The following ANKRD52 variants were observed in gnomAD, a reference collection of about 807,000 sequenced individuals.
ANKRD52 encodes the protein ankyrin repeat domain 52.
A neutral mutation model predicts 116.0 loss-of-function variants in ANKRD52; 7 were observed. The ratio of observed to expected loss-of-function variants is 0.06; its 90% CI spans 0.03 to 0.11. The LOEUF is 0.11. Ranked by LOEUF, ANKRD52 falls within the 10% of genes least tolerant of loss-of-function variation. ANKRD52 has a pLI of 1.00. For synonymous variants in ANKRD52, 528 were observed against 578.1 expected, an observed-to-expected ratio of 0.91 and a Z score of 1.24; for missense variants, 839 against 1,408.6, an observed-to-expected ratio of 0.60 and a Z score of 6.47.
In ANKRD52 at chr12:56,243,035, C is replaced by G; in HGVS notation, c.*107G>C. ...CCAGGGCTTCCTTCCCCTCCGCCCCCTCCACCCAGTCGTGTTCTCCTTTAA... is the reference window on the plus strand; with the variant it reads ...CCAGGGCTTCCTTCCCCTCCGCCCCGTCCACCCAGTCGTGTTCTCCTTTAA... On this transcript the variant is annotated 3_prime_UTR_variant, in exon 28 of 28. Transcript: ENST00000267116. This position sits in a 1 kb window ranked among gnomAD's most constrained non-coding sequence, Gnocchi z 4.6. The G allele has an allele frequency of 7.1e-7, 1 of 1,402,888 alleles. No homozygotes were observed. Among genetic ancestry groups the G allele is most frequent in the South Asian group, 1.5e-5 (1 of 66,770 alleles). The allele number at this position is 1,402,888 out of a possible 1,614,324, so 86.9% of individuals were successfully genotyped here.
Position 56,247,781 on chromosome 12 carries a change from G to A in ANKRD52, c.1979-7C>T, listed in dbSNP as rs1042740184. The A allele has an allele frequency of 3.7e-6, 6 of 1,610,460 alleles. No homozygotes were observed. The African/African-American group carries it at 5.3e-5, about 14-fold the overall frequency. On this transcript the variant is annotated splice_polypyrimidine_tract_variant and splice_region_variant and intron_variant, in intron 18 of 27. Transcript: ENST00000267116. ...TCAGTGTGGCCAGAGGCAGCTAGGG[G>A]AAAGGGACCCCGTGTCAGGGCAGGG... is the stretch of plus-strand genomic sequence containing the variant.
rs78915481 is a variant in ANKRD52 at position 56,254,677 on chromosome 12, G to C, written c.594C>G (p.Asp198Glu). 2.3e-4 allele frequency: 368 copies of C among 1,613,268 alleles called. No homozygotes were observed. In the African/African-American group the frequency reaches 4.3e-3, roughly 19 times the overall value. Reference sequence around the variant, plus strand: ...AGCCCTTGCGGTCCTTGCAGCCGAGGTCTGCTCCCCGTGCCACCAGCAGTT... The same window carrying C: ...AGCCCTTGCGGTCCTTGCAGCCGAGCTCTGCTCCCCGTGCCACCAGCAGTT... ...VLKLLVARGA[D>E]LGCKDRKGYG... is the part of the protein sequence containing the mutation. The change falls in exon 7 of 28, where the codon GAC (aspartate) becomes GAG (glutamate). Residue 198 changes from aspartate to glutamate, a missense_variant. Transcript: ENST00000267116. This position sits in a 1 kb window ranked among gnomAD's most constrained non-coding sequence, Gnocchi z 4.6.
At position 56,254,976 on chromosome 12, in the gene ANKRD52, C is replaced by T. The variant is rs541098764; in HGVS notation, c.463-24G>A. On this transcript the variant is annotated intron_variant, in intron 5 of 27. Transcript: ENST00000267116. This position sits in a 1 kb window ranked among gnomAD's most constrained non-coding sequence, Gnocchi z 4.6. The stretch of plus-strand genomic sequence containing the variant: ...GTCTGCATCAGGATATGAAAGACAC[C>T]TGTTCAGAGCTAGATTCGTGCCCTC... 5.6e-6 allele frequency: 9 copies of T among 1,599,238 alleles called. No individual in the cohort carries two copies. Among genetic ancestry groups the T allele is most frequent in the Admixed American group, 5.0e-5 (3 of 59,826 alleles).
chr12:56,244,156 G>A lies in ANKRD52; in HGVS notation c.2806-23C>T, dbSNP rs1290602232. The A allele has an allele frequency of 6.2e-7, 1 of 1,612,244 alleles. No homozygotes were observed. Among genetic ancestry groups the A allele is most frequent in the East Asian group, 2.2e-5 (1 of 44,866 alleles). On this transcript the variant is annotated intron_variant, in intron 25 of 27. Coordinates refer to ENST00000267116, the MANE Select transcript of ANKRD52 (RefSeq NM_173595.4). This position sits in a 1 kb window ranked among gnomAD's most constrained non-coding sequence, Gnocchi z 4.9. ...GCCCTGAGGGAGGGGAACAGAGAGT[G>A]GAGACTTGTGAAGTAGAAATGTGGC...
rs1327253264 is a variant in ANKRD52 at position 56,255,465 on chromosome 12, C to T, written c.462+319G>A. ...TTCGCCTCCCAAAGTGCTGGGATTA[C>T]AGGCGTGAGCCGCCGTGCCCGGCCG... On this transcript the variant is annotated intron_variant, in intron 5 of 27. Transcript: ENST00000267116. This position sits in a 1 kb window ranked among gnomAD's most constrained non-coding sequence, Gnocchi z 4.3. Among the ~76,000 whole-genome samples, 1 of 152,256 alleles carries T rather than the reference C, an allele frequency of 6.6e-6. No homozygotes were observed. Among genetic ancestry groups the T allele is most frequent in the East Asian group, 1.9e-4 (1 of 5,198 alleles).
chr12:56,246,554 T>C (rs1871407751), intron 20 of ANKRD52, among the ~76,000 whole-genome samples: 1 of 151,940 alleles, frequency 6.6e-6, no homozygotes, highest in Non-Finnish European at 1.5e-5. Flanking sequence ...GGCGACATTA[T>C]GCGATGGGTT....
At chr12:56,250,382 T>A (rs1237401238) in intron 15 of ANKRD52, among the ~76,000 whole-genome samples, 1 of 149,790 alleles carries the variant, frequency 6.7e-6, no homozygotes, top group Non-Finnish European at 1.5e-5. Flanking sequence ...TTTTTTTTTT[T>A]AGAGACGGGG....
chr12:56,247,160 G>A (rs1871448250), intron 20 of ANKRD52, among the ~76,000 whole-genome samples: 2 of 150,530 alleles, frequency 1.3e-5, no homozygotes, highest in African/African-American at 4.9e-5. Context: ...GCTTGGGCAA[G>A]ATGGTAAGAC....
rs1301562304 is a variant in ANKRD52 at position 56,240,254 on chromosome 12, CA to C, written c.*2887del. The C allele has an allele frequency of 6.6e-6, 1 of 152,176 alleles. No homozygotes were observed. Among genetic ancestry groups the C allele is most frequent in the Non-Finnish European group, 1.5e-5 (1 of 68,056 alleles). The allele number at this position is 152,176 out of a possible 1,614,324, so 9.4% of individuals were successfully genotyped here. On this transcript the variant is annotated 3_prime_UTR_variant, in exon 28 of 28. Transcript: ENST00000267116. The surrounding 1 kb of genome is among the most constrained non-coding windows in gnomAD (Gnocchi z 4.2). ...GGATAGTATATGACCCTACCAGAGC[CA>C]CCGCCCAATCAGAAATAGCTCCCCC... is the stretch of plus-strand genomic sequence containing the variant.
At chr12:56,250,368 GTT>G (rs1237579487) in intron 15 of ANKRD52, among the ~76,000 whole-genome samples, 8 of 139,932 alleles carry the variant, frequency 5.7e-5, no homozygotes, top group Non-Finnish European at 9.4e-5. Context: ...ATTTTTGTGG[GTT>G]TTTTTTTTTT....
Position 56,248,918 on chromosome 12 carries a change from G to A in ANKRD52, c.1593-48C>T. On this transcript the variant is annotated intron_variant, in intron 15 of 27. Transcript: ENST00000267116. This position sits in a 1 kb window ranked among gnomAD's most constrained non-coding sequence, Gnocchi z 5.1. ...TGAGGCAGGGACAGGCCCAGCCCAG[G>A]AGGGCACAGTTCTGGGAGGGCCAGA... is the stretch of plus-strand genomic sequence containing the variant. 1 of 1,402,534 alleles carries A rather than the reference G, an allele frequency of 7.1e-7. No homozygotes were observed. The highest frequency in any genetic ancestry group is 1.4e-5 in the African/African-American group (1 of 70,020). 86.9% of individuals were successfully genotyped at this position (1,402,534 alleles called of 1,614,324 possible).
chr12:56,242,605 T>TC lies in ANKRD52; in HGVS notation c.*536dup, dbSNP rs765916389. ...CTCCAGGCCCCAGTGCTAAATATCC[T>TC]CCCCCCTCATCCTCTAGCTGCCCCT... On this transcript the variant is annotated 3_prime_UTR_variant, in exon 28 of 28. Transcript: ENST00000267116. The surrounding 1 kb of genome is among the most constrained non-coding windows in gnomAD (Gnocchi z 4.3). 1.7e-3 allele frequency: 280 copies of TC among 169,560 alleles called. 1 individual carries two copies. Among genetic ancestry groups the TC allele is most frequent in the Non-Finnish European group, 2.9e-3 (234 of 80,294 alleles). 10.5% of individuals were successfully genotyped at this position (169,560 alleles called of 1,614,324 possible).
Position 56,248,173 on chromosome 12 carries a change from T to G in ANKRD52, c.1828A>C (p.Asn610His). ...ALKTLAETLV[N>H]LDVRDHKGRT... ...CCCTTGTGGTCCCTTACGTCCAGAT[T>G]CACCAGCGTCTCCGCCAGCGTCTTC... Residue 610 changes from asparagine to histidine, a missense_variant, in exon 18 of 28, where the codon AAT becomes CAT. Asn to His is a moderately conservative substitution (Grantham distance 68, BLOSUM62 1). Around this residue, in one of 2 missense-constraint regions of ANKRD52, gnomAD observed 552 missense variants for 810.6 expected, o/e 0.68. Transcript: ENST00000267116. This position sits in a 1 kb window ranked among gnomAD's most constrained non-coding sequence, Gnocchi z 5.1. 6.2e-7 allele frequency: 1 copy of G among 1,613,964 alleles called. No homozygotes were observed. The highest frequency in any genetic ancestry group is 1.1e-5 in the South Asian group (1 of 91,084).
In ANKRD52 at chr12:56,245,501, C is replaced by T. The variant is rs1157324413; in HGVS notation, c.2280G>A (p.Leu760=). Residue 760 remains leucine, a synonymous_variant, in exon 21 of 28, where the codon CTG becomes CTA. Transcript: ENST00000267116. ...RDFKGRTPIH[L]ASACGHTAVL... is the part of the protein sequence containing the mutation. ...CTGCAGTGTGGCCACAGGCTGAGGC[C>T]AGGTGAATGGGCGTGCGGCCCTTAA... 6.2e-7 allele frequency: 1 copy of T among 1,611,700 alleles called. No homozygotes were observed. The highest frequency in any genetic ancestry group is 8.5e-7 in the Non-Finnish European group (1 of 1,179,106).
At position 56,243,115 on chromosome 12, in the gene ANKRD52, C is replaced by G; in HGVS notation, c.*27G>C. On this transcript the variant is annotated 3_prime_UTR_variant, in exon 28 of 28. Coordinates refer to ENST00000267116, the MANE Select transcript of ANKRD52 (RefSeq NM_173595.4). This position sits in a 1 kb window ranked among gnomAD's most constrained non-coding sequence, Gnocchi z 4.6. Reference sequence around the variant, plus strand: ...ATAAATAGAATTAGATATCAAGCCACCGGCGGGGGAGGGACACTGGAGGGG... The same window carrying G: ...ATAAATAGAATTAGATATCAAGCCAGCGGCGGGGGAGGGACACTGGAGGGG... The G allele has an allele frequency of 1.3e-6, 2 of 1,557,826 alleles. No individual in the cohort carries two copies. Among genetic ancestry groups the G allele is most frequent in the South Asian group, 2.3e-5 (2 of 86,286 alleles).
In ANKRD52 at chr12:56,248,181, G is replaced by A. The variant is rs375753963; in HGVS notation, c.1820C>T (p.Thr607Met). Residue 607 changes from threonine (T) to methionine (M), a missense_variant, in exon 18 of 28, where the codon ACG becomes ATG. By Grantham distance (81) the Thr-to-Met change is moderately conservative. Transcript: ENST00000267116. This position sits in a 1 kb window ranked among gnomAD's most constrained non-coding sequence, Gnocchi z 5.1. Reference protein sequence around the residue: ...HCEALKTLAETLVNLDVRDHK... With the variant: ...HCEALKTLAEMLVNLDVRDHK... ...GTCCCTTACGTCCAGATTCACCAGC[G>A]TCTCCGCCAGCGTCTTCAAGGCTTC... is the stretch of plus-strand genomic sequence containing the variant. 6 of 1,613,824 alleles carry A rather than the reference G, an allele frequency of 3.7e-6. No homozygotes were observed. The highest frequency in any genetic ancestry group is 5.1e-6 in the Non-Finnish European group (6 of 1,179,902).
chr12:56,244,633 A>G lies in ANKRD52; in HGVS notation c.2722+19T>C, dbSNP rs1205471581. 9 of 1,612,750 alleles carry G rather than the reference A, an allele frequency of 5.6e-6. No homozygotes were observed. Among genetic ancestry groups the G allele is most frequent in the Non-Finnish European group, 6.8e-6 (8 of 1,179,638 alleles). On this transcript the variant is annotated intron_variant, in intron 24 of 27. Transcript: ENST00000267116. The surrounding 1 kb of genome is among the most constrained non-coding windows in gnomAD (Gnocchi z 4.9). ...TGCCCCAGGGGAGCTCCTCCCTTCC[A>G]CAAGTGGCCCCTACACACCCACAGC...
intron 19 of ANKRD52, 25 bp from the exon 20 acceptor site, chr12:56,247,635 G>A (rs1160485192): frequency 6.3e-7 from 1 of 1,590,642 alleles, no homozygotes; most frequent in Non-Finnish European, 8.6e-7. Context: ...GAGGAGGAGT[G>A]AGGATCCCGC....
chr12:56,245,919 G>A (rs1858830537), intron 20 of ANKRD52, among the ~76,000 whole-genome samples: 2 of 150,498 alleles, frequency 1.3e-5, no homozygotes, highest in South Asian at 2.1e-4. Context: ...GTTTCACCAC[G>A]TTAGCCAGGA....
Sources: gnomAD v4.1 joint callset for allele counts (sites outside exome capture counted in the v4.1 genomes callset) on GRCh38, gnomAD v4.1.1 for gene constraint, gnomAD v4.1.1 regional missense constraint, Gnocchi (gnomAD v3.1) non-coding constraint, MANE v1.5 for transcripts, NCBI Gene and HGNC (gene_info 2026-07-23, HGNC 2026-07-21) for gene names.